The following SUCLG2 variants were observed in gnomAD, a reference collection of about 807,000 sequenced individuals.
SUCLG2 encodes the protein succinate-CoA ligase GDP-forming subunit beta.
SUCLG2 carries 42 observed loss-of-function variants against 47.9 expected under a neutral mutation model. The ratio of observed to expected loss-of-function variants is 0.88; its 90% confidence interval spans 0.69 to 1.14. The LOEUF (loss-of-function observed/expected upper bound fraction) is 1.14, where lower values mean the gene tolerates loss of function less well. Among genes scored for constraint, SUCLG2 ranks in the 50% most tolerant of loss-of-function variants. SUCLG2 has a pLI of 0.00. For missense variants in SUCLG2, 571 were observed against 525.9 expected, an observed-to-expected ratio of 1.09 and a Z score of -0.84; for synonymous variants, 195 against 197.3, an observed-to-expected ratio of 0.99 and a Z score of 0.10.
chr3:67,566,798 G>T (rs1467286326), intron 2 of SUCLG2, among the ~76,000 whole-genome samples: 1 of 151,976 alleles, frequency 6.6e-6, no homozygotes, highest in Non-Finnish European at 1.5e-5. Flanking sequence ...AATTACCTAG[G>T]ACATTAAAGA....
At chr3:67,473,123 A>G (rs762608084) in intron 9 of SUCLG2, among the ~76,000 whole-genome samples, 1 of 152,220 alleles carries the variant, frequency 6.6e-6, no homozygotes, top group Non-Finnish European at 1.5e-5. Context: ...CTGGAAGTAG[A>G]TAAGTCAAAT....
intron 2 of SUCLG2, among the ~76,000 whole-genome samples, chr3:67,534,340 T>G (rs1706481105): frequency 6.6e-6 from 1 of 152,156 alleles, no homozygotes. Context: ...AAAATGTATT[T>G]ATGCTTTCGA....
At chr3:67,604,166 T>G (rs557584339) in intron 2 of SUCLG2, among the ~76,000 whole-genome samples, 5 of 151,980 alleles carry the variant, frequency 3.3e-5, no homozygotes, top group African/African-American at 1.2e-4. Flanking sequence ...ACAAAATGTA[T>G]GCATTACCCA....
intron 9 of SUCLG2, among the ~76,000 whole-genome samples, chr3:67,451,628 T>C (rs1320967471): frequency 1.3e-5 from 2 of 152,038 alleles, no homozygotes; most frequent in African/African-American, 4.8e-5. Flanking sequence ...ACTATTTTCA[T>C]AGATACAAAT....
intron 9 of SUCLG2, among the ~76,000 whole-genome samples, chr3:67,433,588 T>G (rs780085561): frequency 1.3e-5 from 2 of 152,172 alleles, no homozygotes; most frequent in Non-Finnish European, 2.9e-5. Flanking sequence ...TATTTCTTCC[T>G]GCAGAGAACT....
At chr3:67,482,820 C>T (rs1223608910) in intron 9 of SUCLG2, among the ~76,000 whole-genome samples, 1 of 152,162 alleles carries the variant, frequency 6.6e-6, no homozygotes, top group African/African-American at 2.4e-5. Context: ...CCTAGAAGGT[C>T]AAGGGTTAAA....
chr3:67,386,640 C>T (rs1287748367), intron 10 of SUCLG2, among the ~76,000 whole-genome samples: 2 of 152,140 alleles, frequency 1.3e-5, no homozygotes, highest in African/African-American at 4.8e-5. Flanking sequence ...TGTAAAACTA[C>T]CAGATCTTGT....
chr3:67,615,777 C>A (rs190076809), intron 1 of SUCLG2, among the ~76,000 whole-genome samples: 197 of 152,160 alleles, frequency 1.3e-3, no homozygotes, highest in African/African-American at 3.4e-3. Flanking sequence ...AACTAAAGCA[C>A]CCCCATTCTC....
intron 9 of SUCLG2, among the ~76,000 whole-genome samples, chr3:67,443,561 G>A (rs1397342408): frequency 1.5e-5 from 1 of 66,342 alleles, no homozygotes; most frequent in Non-Finnish European, 3.4e-5. Flanking sequence ...AGTCTGGAAA[G>A]TGAGGAGCGT....
At chr3:67,548,893 G>T (rs1156620800) in intron 2 of SUCLG2, among the ~76,000 whole-genome samples, 3 of 152,218 alleles carry the variant, frequency 2.0e-5, no homozygotes, top group African/African-American at 7.2e-5. Flanking sequence ...GTATAAAAAA[G>T]GAATCAGCTT....
At chr3:67,398,646 T>C (rs1702608164) in intron 10 of SUCLG2, among the ~76,000 whole-genome samples, 1 of 152,050 alleles carries the variant, frequency 6.6e-6, no homozygotes, top group African/African-American at 2.4e-5. Flanking sequence ...AGAAATACCA[T>C]TTGACCCAGC....
intron 1 of SUCLG2, among the ~76,000 whole-genome samples, chr3:67,614,084 C>T (rs1439451337): frequency 3.9e-5 from 6 of 152,064 alleles, no homozygotes; most frequent in African/African-American, 1.4e-4. Context: ...TGTTATGACC[C>T]TAAAAATAAC....
intron 9 of SUCLG2, among the ~76,000 whole-genome samples, chr3:67,433,505 T>C (rs928167331): frequency 6.6e-6 from 1 of 152,046 alleles, no homozygotes; most frequent in Admixed American, 6.6e-5. Flanking sequence ...TTCTAGAAGA[T>C]GGGGGAGTGG....
chr3:67,436,596 C>G (rs1703629883), intron 9 of SUCLG2, among the ~76,000 whole-genome samples: 1 of 152,162 alleles, frequency 6.6e-6, no homozygotes, highest in Non-Finnish European at 1.5e-5. Flanking sequence ...GCCTGGATTA[C>G]TATAGGACTT....
At chr3:67,544,575 A>T (rs1706814055) in intron 2 of SUCLG2, among the ~76,000 whole-genome samples, 1 of 152,174 alleles carries the variant, frequency 6.6e-6, no homozygotes, top group African/African-American at 2.4e-5. Context: ...TTTATAAATT[A>T]CTAGTCTCAG....
chr3:67,509,039 G>A (rs754851656), intron 6 of SUCLG2, 136 bp from the exon 7 acceptor site: 10 of 624,110 alleles, frequency 1.6e-5, no homozygotes, highest in South Asian at 4.9e-5. Flanking sequence ...AAACAGAAAA[G>A]CATAATTATT....
At chr3:67,595,948 T>A (rs754104271) in intron 2 of SUCLG2, among the ~76,000 whole-genome samples, 2 of 152,238 alleles carry the variant, frequency 1.3e-5, no homozygotes, top group Non-Finnish European at 2.9e-5. Context: ...ACAAGATGAA[T>A]GTGTCTCCTA....
At chr3:67,566,783 G>T (rs1707462778) in intron 2 of SUCLG2, among the ~76,000 whole-genome samples, 1 of 152,018 alleles carries the variant, frequency 6.6e-6, no homozygotes, top group Non-Finnish European at 1.5e-5. Context: ...AAATTTAAAA[G>T]ATACAATTAC....
At chr3:67,538,669 T>C (rs1706614321) in intron 2 of SUCLG2, among the ~76,000 whole-genome samples, 1 of 152,200 alleles carries the variant, frequency 6.6e-6, no homozygotes, top group Non-Finnish European at 1.5e-5. Context: ...ATTTTCACAA[T>C]ATTGATTCTT....
Sources: allele counts gnomAD v4.1 joint callset (sites outside exome capture counted in the v4.1 genomes callset), GRCh38; gene constraint gnomAD v4.1.1; transcripts MANE v1.5; gene names NCBI Gene and HGNC (gene_info 2026-07-23, HGNC 2026-07-21).